Variants in WDR4 observed in about 807,000 individuals in gnomAD.
The protein encoded by WDR4 is tRNA (guanine-N(7)-)-methyltransferase non-catalytic subunit WDR4.
WDR4 carries 47 observed loss-of-function variants against 48.6 expected under a neutral mutation model. The observed-to-expected ratio is 0.97, with a 90% CI of 0.77 to 1.23. The LOEUF (loss-of-function observed/expected upper bound fraction) is 1.23. Among genes scored for constraint, WDR4 ranks in the 50% most tolerant of loss-of-function variants. The pLI, the probability that WDR4 is intolerant of heterozygous loss-of-function variation, is 0.00. For synonymous variants in WDR4, 268 were observed against 230.0 expected, an observed-to-expected ratio of 1.17 and a Z score of -1.49; for missense variants, 606 against 551.6, an observed-to-expected ratio of 1.10 and a Z score of -0.99.
At chr21:42,865,034 T>G (rs2058216951) in intron 3 of WDR4, among the ~76,000 whole-genome samples, 2 of 152,132 alleles carry the variant, frequency 1.3e-5, no homozygotes, top group Admixed American at 1.3e-4. Flanking sequence ...TCAGGAACGC[T>G]GTCCTCAATG....
At chr21:42,875,916 CTTTTTT>C (rs71194083) in intron 2 of WDR4, among the ~76,000 whole-genome samples, 4 of 104,896 alleles carry the variant, frequency 3.8e-5, no homozygotes, top group South Asian at 3.2e-4. Context: ...TAACACTGTG[CTTTTTT>C]TTTTTTTTTT....
Position 42,879,390 on chromosome 21 carries a change from G to A in WDR4, c.89+17C>T, listed in dbSNP as rs766682929. The A allele has an allele frequency of 1.9e-6, 3 of 1,612,636 alleles. No individual in the cohort carries two copies. Among genetic ancestry groups the A allele is most frequent in the Non-Finnish European group, 1.7e-6 (2 of 1,179,310 alleles). On this transcript the variant is annotated intron_variant, in intron 1 of 10. Transcript: ENST00000398208. ...CCGCAGCCTGGTCTCCCTGTTCCAA[G>A]ACCAAGGCCCCCTCACCTGCTTGCT...
the WDR4 span, among the ~76,000 whole-genome samples, chr21:42,885,647 T>C: frequency 4.9e-4 from 74 of 152,214 alleles, no homozygotes; most frequent in Non-Finnish European, 8.8e-4. Flanking sequence ...AATTAGGTTA[T>C]CAATTTCCCC....
At chr21:42,861,021 A>G (rs1345163683) in intron 5 of WDR4, among the ~76,000 whole-genome samples, 2 of 152,210 alleles carry the variant, frequency 1.3e-5, no homozygotes, top group East Asian at 3.9e-4. Context: ...GTTGAAAAGT[A>G]AACGGGCAGG....
intron 3 of WDR4, among the ~76,000 whole-genome samples, chr21:42,871,429 G>A (rs566742901): frequency 1.6e-4 from 24 of 152,342 alleles, no homozygotes; most frequent in African/African-American, 5.8e-4. Flanking sequence ...AGAGATCCCT[G>A]TGGAGGGGCT....
chr21:42,890,629 T>C, the WDR4 span, among the ~76,000 whole-genome samples: 1 of 152,188 alleles, frequency 6.6e-6, no homozygotes, highest in Non-Finnish European at 1.5e-5. Flanking sequence ...GAAAGGAATA[T>C]AAACAAACAT....
rs371266392 is a variant in WDR4, at chr21:42,879,506, G to T, written c.-11C>A. ...CACAGAGCCCGCCATGTACCCGCCC[G>T]CCTCACCGCCATACACATGTGCCAG... On this transcript the variant is annotated 5_prime_UTR_variant, in exon 1 of 11. Coordinates refer to ENST00000398208, the MANE Select transcript of WDR4 (RefSeq NM_018669.6). 3 of 1,612,734 alleles carry T rather than the reference G, an allele frequency of 1.9e-6. No homozygotes were observed. The highest frequency in any genetic ancestry group is 2.5e-6 in the Non-Finnish European group (3 of 1,179,730).
Position 42,849,881 on chromosome 21 carries a change from G to A in WDR4, c.*168C>T, listed in dbSNP as rs2057773515. The A allele has an allele frequency of 1.4e-5, 11 of 802,862 alleles. No homozygotes were observed. Among genetic ancestry groups the A allele is most frequent in the Non-Finnish European group, 1.9e-5 (10 of 521,338 alleles). 49.7% of individuals were successfully genotyped at this position (802,862 alleles called of 1,614,324 possible). On this transcript the variant is annotated 3_prime_UTR_variant, in exon 11 of 11. Coordinates refer to ENST00000398208, the MANE Select transcript of WDR4 (RefSeq NM_018669.6). Reference sequence around the variant, plus strand: ...GCACAGGCACCCAGCAAGAGCCTGTGCTGGTGACACAGAATGTTCTTTCTA... The same window carrying A: ...GCACAGGCACCCAGCAAGAGCCTGTACTGGTGACACAGAATGTTCTTTCTA...
At chr21:42,877,745 T>C (rs961905153) in intron 1 of WDR4, among the ~76,000 whole-genome samples, 1 of 152,044 alleles carries the variant, frequency 6.6e-6, no homozygotes, top group East Asian at 1.9e-4. Context: ...CTATGCGACA[T>C]GGTTATAAGA....
chr21:42,872,797 C>A (rs1184368347), intron 3 of WDR4, among the ~76,000 whole-genome samples: 7 of 151,852 alleles, frequency 4.6e-5, no homozygotes, highest in Admixed American at 4.6e-4. Context: ...ATTAGCCGGG[C>A]ATGGTGGCAA....
intron 5 of WDR4, among the ~76,000 whole-genome samples, chr21:42,861,120 G>A (rs151159061): frequency 0.047 from 7,076 of 152,068 alleles, 183 homozygotes; most frequent in South Asian, 0.087. Flanking sequence ...GACCAGCCTG[G>A]CCAACATAGT....
chr21:42,867,574 G>A (rs1283476344), intron 3 of WDR4, among the ~76,000 whole-genome samples: 1 of 152,120 alleles, frequency 6.6e-6, no homozygotes, highest in Non-Finnish European at 1.5e-5. Flanking sequence ...TACTGGCTCA[G>A]CATCCCTAAC....
chr21:42,881,337 A>G (rs1259627526), upstream of WDR4, among the ~76,000 whole-genome samples: 2 of 152,180 alleles, frequency 1.3e-5, no homozygotes, highest in East Asian at 1.9e-4. Flanking sequence ...GTTACCAACT[A>G]TTGGGTCTAA....
chr21:42,859,836 C>T, intron 5 of WDR4, 114 bp from the exon 6 acceptor site: 2 of 1,095,748 alleles, frequency 1.8e-6, no homozygotes, highest in Non-Finnish European at 2.7e-6. Context: ...CCTAAACCCC[C>T]TGATCCAATA....
upstream of WDR4, among the ~76,000 whole-genome samples, chr21:42,882,292 G>A (rs938021341): frequency 6.7e-6 from 1 of 150,182 alleles, no homozygotes; most frequent in Non-Finnish European, 1.5e-5. Flanking sequence ...GCCGGGTGCA[G>A]TGGCTCACAC....
chr21:42,854,210 C>T (rs2057922826), intron 8 of WDR4, among the ~76,000 whole-genome samples: 1 of 152,256 alleles, frequency 6.6e-6, no homozygotes, highest in Admixed American at 6.5e-5. Flanking sequence ...ACCTTGTCAG[C>T]ACCGCCAACC....
intron 6 of WDR4, 62 bp downstream of exon 6, chr21:42,859,597 GCCC>G: frequency 2.8e-6 from 2 of 708,190 alleles, no homozygotes; most frequent in East Asian, 2.8e-5. Context: ...TCCAGGAGGC[GCCC>G]ACCCCACCCT....
chr21:42,862,961 AG>A lies in WDR4; in HGVS notation c.453+478del, dbSNP rs1407363701. Among the ~76,000 whole-genome samples, 1 of 152,166 alleles carries A rather than the reference AG, an allele frequency of 6.6e-6. No homozygotes were observed. The highest frequency in any genetic ancestry group is 1.5e-5 in the Non-Finnish European group (1 of 68,018). The stretch of plus-strand genomic sequence containing the variant: ...CACGGGGCACACAGAGTGGGGTGAC[AG>A]GGGCTGCTGGGAGCAGTGCTGAGGT... On this transcript the variant is annotated intron_variant, in intron 4 of 10. Coordinates refer to ENST00000398208, the MANE Select transcript of WDR4 (RefSeq NM_018669.6). The surrounding 1 kb of genome is among the most constrained non-coding windows in gnomAD (Gnocchi z 4.3).
At position 42,879,489 on chromosome 21, in the gene WDR4, C is replaced by T; in HGVS notation, c.7G>A (p.Gly3Ser). ...CCGCACAACGCCAGTCCCACAGAGC[C>T]CGCCATGTACCCGCCCGCCTCACCG... MA[G>S]SVGLALCGQT... The change falls in exon 1 of 11, where the codon GGC becomes AGC. Residue 3 changes from glycine to serine, a missense_variant. By Grantham distance (56) the Gly-to-Ser change is moderately conservative. Coordinates refer to ENST00000398208, the MANE Select transcript of WDR4 (RefSeq NM_018669.6). 1 of 1,613,414 alleles carries T rather than the reference C, an allele frequency of 6.2e-7. No individual in the cohort carries two copies. The highest frequency in any genetic ancestry group is 8.5e-7 in the Non-Finnish European group (1 of 1,179,860).
Sources: allele counts gnomAD v4.1 joint callset (sites outside exome capture counted in the v4.1 genomes callset), GRCh38; gene constraint gnomAD v4.1.1; non-coding constraint Gnocchi (gnomAD v3.1); transcripts MANE v1.5; gene names NCBI Gene and HGNC (gene_info 2026-07-23, HGNC 2026-07-21).